FGD3: variants seen among roughly 807,000 people sequenced by gnomAD.
FGD3 encodes the protein FYVE, RhoGEF and PH domain-containing protein 3.
Under a neutral mutation model 71.8 loss-of-function variants are expected in FGD3, and 45 were observed. The observed-to-expected ratio is 0.63, with a 90% confidence interval of 0.49 to 0.80. The LOEUF (loss-of-function observed/expected upper bound fraction) is 0.80. Among genes scored for constraint, FGD3 ranks in the 30% least tolerant of loss-of-function variants. The pLI is 0.00. For synonymous variants in FGD3, 378 were observed against 392.8 expected (o/e 0.96, Z 0.44); for missense variants, 844 against 951.5 (o/e 0.89, Z 1.49).
At chr9:92,982,568 A>ATT (rs34286084) in intron 3 of FGD3, among the ~76,000 whole-genome samples, 2,368 of 147,208 alleles carry the variant, frequency 0.016, 41 homozygotes, top group African/African-American at 0.044. Context: ...GTATTCATTC[A>ATT]TTTTTTTTTT....
chr9:93,019,134 G>A (rs1861817728), intron 11 of FGD3, among the ~76,000 whole-genome samples: 1 of 152,178 alleles, frequency 6.6e-6, no homozygotes, highest in African/African-American at 2.4e-5. Context: ...ACAGGTGTGA[G>A]CCACCGTGCC....
At chr9:92,995,131 G>A (rs1860581982) in intron 3 of FGD3, among the ~76,000 whole-genome samples, 1 of 152,116 alleles carries the variant, frequency 6.6e-6, no homozygotes, top group Admixed American at 6.5e-5. Context: ...CCATTTGTTT[G>A]TGTCCTCTTT....
chr9:92,994,317 G>A (rs1328568146), intron 3 of FGD3, among the ~76,000 whole-genome samples: 1 of 151,978 alleles, frequency 6.6e-6, no homozygotes, highest in African/African-American at 2.4e-5. Flanking sequence ...GGGGTTGTTT[G>A]ATTTTTTTCT....
At chr9:92,970,363 C>G (rs1158916974) in intron 1 of FGD3, among the ~76,000 whole-genome samples, 1 of 152,170 alleles carries the variant, frequency 6.6e-6, no homozygotes, top group Non-Finnish European at 1.5e-5. Flanking sequence ...AGAGTTTATT[C>G]AAGCACAAGG....
At position 92,988,857 on chromosome 9, in the gene FGD3, T is replaced by C. The variant is rs56028701; in HGVS notation, c.453+12148T>C. Among the ~76,000 whole-genome samples the C allele has an allele frequency of 7.2e-3, 1,098 of 152,300 alleles. 12 individuals are homozygous for C. The highest frequency in any genetic ancestry group is 0.022 in the African/African-American group (931 of 41,562). ...TTTGGGGGTTGACAGCATGAAGATC[T>C]ACCTGTTTTGTGGCCACCCAAGACC... On this transcript the variant is annotated intron_variant, in intron 3 of 17. Transcript: ENST00000375482.
intron 3 of FGD3, among the ~76,000 whole-genome samples, chr9:92,987,833 C>T (rs1415381848): frequency 1.3e-5 from 2 of 152,222 alleles, no homozygotes; most frequent in Non-Finnish European, 2.9e-5. Flanking sequence ...CGGTCATATA[C>T]CAATTACACT....
At chr9:93,019,544 A>C (rs1046496845) in intron 11 of FGD3, among the ~76,000 whole-genome samples, 24 of 152,342 alleles carry the variant, frequency 1.6e-4, no homozygotes, top group African/African-American at 2.2e-4. Flanking sequence ...GACTAGCCAT[A>C]CATGGGAGTT....
intron 3 of FGD3, among the ~76,000 whole-genome samples, chr9:92,980,233 G>A (rs1859937156): frequency 6.6e-6 from 1 of 152,006 alleles, no homozygotes; most frequent in Admixed American, 6.6e-5. Flanking sequence ...TTTGGCCAGG[G>A]TGATCTCAAA....
chr9:92,960,965 G>A (rs974027772), intron 1 of FGD3, among the ~76,000 whole-genome samples: 6 of 151,892 alleles, frequency 4.0e-5, no homozygotes, highest in Non-Finnish European at 8.8e-5. Context: ...CCTGGTGAGT[G>A]GGTGCTCTTC....
chr9:92,972,701 C>G (rs1157387377), intron 1 of FGD3, among the ~76,000 whole-genome samples: 2 of 151,846 alleles, frequency 1.3e-5, no homozygotes, highest in Non-Finnish European at 2.9e-5. Context: ...TTTTTTTTGT[C>G]CACCCCTTTT....
intron 3 of FGD3, among the ~76,000 whole-genome samples, chr9:92,979,251 T>A (rs1038767901): frequency 2.0e-5 from 3 of 152,190 alleles, no homozygotes; most frequent in African/African-American, 7.2e-5. Context: ...GCTTCTCATA[T>A]ATGAGCTTTA....
intron 8 of FGD3, 59 bp downstream of exon 8, chr9:93,011,331 G>A: frequency 1.3e-6 from 2 of 1,595,212 alleles, no homozygotes; most frequent in Non-Finnish European, 1.7e-6. Context: ...GAGGGCCAGG[G>A]GCCCTTGTGG....
At position 93,014,003 on chromosome 9, in the gene FGD3, G is replaced by C; in HGVS notation, c.1182+5G>C. ...CAGGACCGCCACCTCTTCCTGGTGA[G>C]CCTGGCCCCTGCCAGCCCAGCCGCA... On this transcript the variant is annotated splice_donor_5th_base_variant and intron_variant, in intron 9 of 17. Coordinates refer to ENST00000375482, the MANE Select transcript of FGD3 (RefSeq NM_001083536.2). 6.2e-7 allele frequency: 1 copy of C among 1,600,746 alleles called. No individual in the cohort carries two copies. The highest frequency in any genetic ancestry group is 8.5e-7 in the Non-Finnish European group (1 of 1,174,146).
At chr9:93,006,733 ATT>A in intron 6 of FGD3, among the ~76,000 whole-genome samples, 1 of 144,882 alleles carries the variant, frequency 6.9e-6, no homozygotes. Context: ...TTTTTATTTT[ATT>A]TTTTTTTTTG....
chr9:92,986,347 A>G (rs1318444274), intron 3 of FGD3, among the ~76,000 whole-genome samples: 1 of 152,160 alleles, frequency 6.6e-6, no homozygotes, highest in African/African-American at 2.4e-5. Context: ...TTTTTCAGCT[A>G]ACTGCCACAA....
chr9:93,019,514 G>T (rs958487622), intron 11 of FGD3, among the ~76,000 whole-genome samples: 1 of 152,182 alleles, frequency 6.6e-6, no homozygotes, highest in East Asian at 1.9e-4. Flanking sequence ...ACCCTTTAAG[G>T]TGATGTCAGG....
chr9:93,010,026 G>A (rs1320484723), intron 6 of FGD3, among the ~76,000 whole-genome samples: 1 of 152,160 alleles, frequency 6.6e-6, no homozygotes, highest in Non-Finnish European at 1.5e-5. Flanking sequence ...CCAAGGGCCA[G>A]CCTGCCTGGG....
chr9:93,020,663 C>T (rs1377515942), intron 13 of FGD3: 1 of 486,334 alleles, frequency 2.1e-6, no homozygotes, highest in African/African-American at 2.0e-5. Context: ...CCTACAACCC[C>T]TGAGACCAGA....
intron 10 of FGD3, among the ~76,000 whole-genome samples, chr9:93,017,163 G>A (rs1376323862): frequency 1.3e-5 from 2 of 152,140 alleles, no homozygotes; most frequent in African/African-American, 4.8e-5. Context: ...AGCTACTTGG[G>A]AGGCTGAGGT....
Sources: gnomAD v4.1 joint callset for allele counts (sites outside exome capture counted in the v4.1 genomes callset) on GRCh38, gnomAD v4.1.1 for gene constraint, MANE v1.5 for transcripts, NCBI Gene and HGNC (gene_info 2026-07-23, HGNC 2026-07-21) for gene names.